The following RNF32 variants were observed in gnomAD, a reference collection of about 807,000 sequenced individuals.
RNF32 encodes ring finger protein 32.
Under a neutral mutation model 41.0 loss-of-function variants are expected in RNF32, and 36 were observed. That is an observed-to-expected ratio of 0.88 (90% confidence interval 0.67 to 1.16). The LOEUF is 1.16. RNF32 is among the 50% of genes most tolerant of loss of function. The probability of loss-of-function intolerance (pLI) is 0.00; values close to 1 mark genes in which losing one functional copy is unlikely to be tolerated. For missense variants in RNF32, 413 were observed against 436.7 expected (o/e 0.95, Z 0.48); for synonymous variants, 154 against 160.9 (o/e 0.96, Z 0.32).
At chr7:156,671,337 T>C (rs1802459566) in intron 7 of RNF32, among the ~76,000 whole-genome samples, 1 of 152,166 alleles carries the variant, frequency 6.6e-6, no homozygotes, top group Admixed American at 6.5e-5. Context: ...AGTGTGTGTG[T>C]GAGTGTGGTA....
intron 8 of RNF32, 160 bp from the exon 9 acceptor site, chr7:156,676,259 A>G (rs1803995177): frequency 3.9e-6 from 6 of 1,541,086 alleles, no homozygotes; most frequent in Non-Finnish European, 5.3e-6. Flanking sequence ...ATATATATGT[A>G]TATATATAAA....
intron 7 of RNF32, chr7:156,659,072 T>G (rs1800194784): frequency 7.3e-7 from 1 of 1,371,440 alleles, no homozygotes; most frequent in South Asian, 2.0e-5. Flanking sequence ...AACCACTATT[T>G]ATGCTTTAGT....
In RNF32 at chr7:156,657,552, A is replaced by T. The variant is rs1367982194; in HGVS notation, c.429A>T (p.Ser143=). ...EFELRPQVLL[S]CSHVFHKACL... is the part of the protein sequence containing the mutation. ...TTCCTCATGAACAGGTGCTGCTTTC[A>T]TGCTCCCATGTGTTCCACAAAGTAA... The change falls in exon 5 of 9, where the codon TCA becomes TCT. Residue 143 remains serine (S), a synonymous_variant. Coordinates refer to ENST00000317955, the MANE Select transcript of RNF32 (RefSeq NM_030936.4). 2.5e-6 allele frequency: 4 copies of T among 1,614,150 alleles called. No individual in the cohort carries two copies. In the South Asian group the frequency reaches 4.4e-5, roughly 18 times the overall value.
At chr7:156,664,769 G>C (rs1385278510) in intron 7 of RNF32, among the ~76,000 whole-genome samples, 1 of 152,106 alleles carries the variant, frequency 6.6e-6, no homozygotes, top group Non-Finnish European at 1.5e-5. Flanking sequence ...CTTTAGAAAA[G>C]ACTCTTTTCA....
chr7:156,661,485 A>C (rs2131542329), intron 7 of RNF32, among the ~76,000 whole-genome samples: 1 of 152,060 alleles, frequency 6.6e-6, no homozygotes, highest in East Asian at 1.9e-4. Flanking sequence ...ATGCCCAGCT[A>C]ATTTTTGTAT....
intron 7 of RNF32, among the ~76,000 whole-genome samples, chr7:156,673,906 TAA>T (rs3030984): frequency 2.2e-4 from 22 of 100,784 alleles, no homozygotes; most frequent in African/African-American, 3.8e-4. Context: ...TCCACATTAA[TAA>T]AAAAAAAAAA....
chr7:156,643,877 C>T lies in RNF32; in HGVS notation c.-1C>T. On this transcript the variant is annotated 5_prime_UTR_variant, in exon 2 of 9. Coordinates refer to ENST00000317955, the MANE Select transcript of RNF32 (RefSeq NM_030936.4). Reference sequence around the variant, plus strand: ...CAAGCAACAACTTTTCCTAATTCGGCATGTTAAAAAATAAGGTACGCTATT... The same window carrying T: ...CAAGCAACAACTTTTCCTAATTCGGTATGTTAAAAAATAAGGTACGCTATT... 6.2e-7 allele frequency: 1 copy of T among 1,611,332 alleles called. No homozygotes were observed. The highest frequency in any genetic ancestry group is 8.5e-7 in the Non-Finnish European group (1 of 1,177,618).
chr7:156,640,401 C>G (rs748027551), upstream of RNF32: 48 of 426,020 alleles, frequency 1.1e-4, 1 homozygote, highest in South Asian at 7.4e-4. Flanking sequence ...TACAGCGAAG[C>G]CGGCGCGGGG....
chr7:156,645,526 A>T (rs1192934230), intron 3 of RNF32, among the ~76,000 whole-genome samples: 2 of 152,220 alleles, frequency 1.3e-5, no homozygotes, highest in Admixed American at 1.3e-4. Context: ...GTTCCAGATT[A>T]CAGGAGACCC....
intron 4 of RNF32, among the ~76,000 whole-genome samples, chr7:156,656,079 A>C (rs1799626137): frequency 6.6e-6 from 1 of 152,204 alleles, no homozygotes; most frequent in Non-Finnish European, 1.5e-5. Flanking sequence ...CTTAGTTATA[A>C]ACAATAGTTG....
rs1220772177 is a variant in RNF32, at chr7:156,654,786, G to C, written c.417+68G>C. 8 of 1,455,816 alleles carry C rather than the reference G, an allele frequency of 5.5e-6. No homozygotes were observed. In the South Asian group the frequency reaches 7.6e-5, roughly 14 times the overall value. 90.2% of individuals were successfully genotyped at this position (1,455,816 alleles called of 1,614,324 possible). On this transcript the variant is annotated intron_variant, in intron 4 of 8. Transcript: ENST00000317955. Reference sequence around the variant, plus strand: ...TTCCTAGGGACGAGGCCCAGAGCTGGAGCCTAAGATTCCAAGCTTCCTTTT... The same window carrying C: ...TTCCTAGGGACGAGGCCCAGAGCTGCAGCCTAAGATTCCAAGCTTCCTTTT...
At position 156,670,256 on chromosome 7, in the gene RNF32, T is replaced by C. The variant is rs1400349075; in HGVS notation, c.685-5440T>C. Among the ~76,000 whole-genome samples, 1 of 152,206 alleles carries C rather than the reference T, an allele frequency of 6.6e-6. No homozygotes were observed. The highest frequency in any genetic ancestry group is 6.5e-5 in the Admixed American group (1 of 15,284). Reference sequence around the variant, plus strand: ...AGAGGAGCTGGATGCTAAGCACGGCTGGCTCTACTGTTTTGACTTTGGCTC... The same window carrying C: ...AGAGGAGCTGGATGCTAAGCACGGCCGGCTCTACTGTTTTGACTTTGGCTC... On this transcript the variant is annotated intron_variant, in intron 7 of 8. Coordinates refer to ENST00000317955, the MANE Select transcript of RNF32 (RefSeq NM_030936.4). The surrounding 1 kb of genome is among the most constrained non-coding windows in gnomAD (Gnocchi z 4.3).
In RNF32 at chr7:156,676,413, C is replaced by G; in HGVS notation, c.853-6C>G. 1 of 1,614,062 alleles carries G rather than the reference C, an allele frequency of 6.2e-7. No individual in the cohort carries two copies. Among genetic ancestry groups the G allele is most frequent in the Non-Finnish European group, 8.5e-7 (1 of 1,179,984 alleles). On this transcript the variant is annotated splice_polypyrimidine_tract_variant and splice_region_variant and intron_variant, in intron 8 of 8. Coordinates refer to ENST00000317955, the MANE Select transcript of RNF32 (RefSeq NM_030936.4). ...GCGTGGCCTCTTCCCGTCCTGTGTG[C>G]CGCAGGCTCTGCGCCGGGAGACCCA...
chr7:156,674,520 G>GC (rs1395830838), intron 7 of RNF32, among the ~76,000 whole-genome samples: 26 of 152,154 alleles, frequency 1.7e-4, no homozygotes, highest in Admixed American at 1.5e-3. Flanking sequence ...CCCTGAATGA[G>GC]CCACCTACCC....
chr7:156,668,199 C>T (rs972857398), intron 7 of RNF32, among the ~76,000 whole-genome samples: 5 of 152,108 alleles, frequency 3.3e-5, no homozygotes, highest in Admixed American at 2.0e-4. Context: ...GGGCAGCTGA[C>T]GTGTGTGGAA....
At chr7:156,658,719 GTTTAAC>G (rs774152506) in intron 7 of RNF32, 149 bp downstream of exon 7, 2 of 767,358 alleles carry the variant, frequency 2.6e-6, no homozygotes, top group Non-Finnish European at 4.3e-6. Context: ...TAAAAATCCT[GTTTAAC>G]TTTAGTTGGC....
intron 3 of RNF32, among the ~76,000 whole-genome samples, chr7:156,650,260 T>A (rs1798544620): frequency 6.6e-6 from 1 of 152,152 alleles, no homozygotes; most frequent in Admixed American, 6.5e-5. Flanking sequence ...CCAGGGTCAG[T>A]CCTCAACAAC....
In RNF32 at chr7:156,643,993, G is replaced by A. The variant is rs914106732; in HGVS notation, c.15+101G>A. ...AAAAACTAGTTTGCAAACCCTGCTT[G>A]AACTAGGAATTGTCAGCAGGAATGG... On this transcript the variant is annotated intron_variant, in intron 2 of 8. Transcript: ENST00000317955. 5.8e-6 allele frequency: 6 copies of A among 1,032,778 alleles called. No individual in the cohort carries two copies. In the African/African-American group the frequency reaches 9.4e-5, roughly 16 times the overall value. 64.0% of individuals were successfully genotyped at this position (1,032,778 alleles called of 1,614,324 possible). A position where few individuals can be genotyped will look rare whatever the true frequency, so the allele number is the denominator to read the frequency against.
chr7:156,655,603 G>A (rs1352874866), intron 4 of RNF32, among the ~76,000 whole-genome samples: 6 of 152,212 alleles, frequency 3.9e-5, no homozygotes, highest in African/African-American at 1.4e-4. Flanking sequence ...CATTGAATTT[G>A]AGTAGGTTTC....
Sources: allele counts gnomAD v4.1 joint callset (sites outside exome capture counted in the v4.1 genomes callset), GRCh38; gene constraint gnomAD v4.1.1; non-coding constraint Gnocchi (gnomAD v3.1); transcripts MANE v1.5; gene names NCBI Gene and HGNC (gene_info 2026-07-23, HGNC 2026-07-21).